CFAP299: variants seen among roughly 807,000 people sequenced by gnomAD.
CFAP299 encodes the protein cilia- and flagella-associated protein 299.
CFAP299 carries 21 observed loss-of-function variants against 27.0 expected under a neutral mutation model. That is an observed-to-expected ratio of 0.78 (90% CI 0.55 to 1.12). The LOEUF is 1.12. Ranked by LOEUF, CFAP299 falls within the 50% of genes most tolerant of loss-of-function variation. The pLI, the probability that CFAP299 is intolerant of heterozygous loss-of-function variation, is 0.00. For missense variants in CFAP299, 310 were observed against 276.6 expected, an observed-to-expected ratio of 1.12 and a Z score of -0.86; for synonymous variants, 104 against 98.1, an observed-to-expected ratio of 1.06 and a Z score of -0.36.
chr4:80,749,623 G>A (rs1724820444), intron 3 of CFAP299, among the ~76,000 whole-genome samples: 1 of 152,190 alleles, frequency 6.6e-6, no homozygotes, highest in African/African-American at 2.4e-5. Context: ...AGAGCCACTG[G>A]CAAACCACTA....
At chr4:80,336,187 A>T (rs545470669) in intron 1 of CFAP299, among the ~76,000 whole-genome samples, 2 of 152,250 alleles carry the variant, frequency 1.3e-5, no homozygotes, top group African/African-American at 4.8e-5. Context: ...GCCCACTCCC[A>T]TTCCAAAGCC....
intron 3 of CFAP299, among the ~76,000 whole-genome samples, chr4:80,651,661 G>T (rs529897022): frequency 1.3e-5 from 2 of 151,050 alleles, no homozygotes; most frequent in Non-Finnish European, 3.0e-5. Flanking sequence ...CACCGTGCCC[G>T]GGCGAATCTC....
intron 2 of CFAP299, among the ~76,000 whole-genome samples, chr4:80,401,794 T>G (rs748975298): frequency 1.1e-4 from 17 of 152,130 alleles, no homozygotes; most frequent in Admixed American, 2.0e-4. Context: ...GCTTGCATTG[T>G]GCACTTGAAA....
intron 3 of CFAP299, among the ~76,000 whole-genome samples, chr4:80,826,341 A>G (rs530818713): frequency 3.9e-5 from 6 of 151,926 alleles, no homozygotes; most frequent in East Asian, 1.9e-4. Flanking sequence ...GACAACAATT[A>G]TCAAAAGGAC....
rs1422554772 is a variant in CFAP299, at chr4:80,856,316, T to A, written c.334-13677T>A. Among the ~76,000 whole-genome samples the A allele has an allele frequency of 2.1e-5, 3 of 145,794 alleles. 1 individual carries two copies. Among genetic ancestry groups the A allele is most frequent in the Non-Finnish European group, 4.5e-5 (3 of 66,690 alleles). On this transcript the variant is annotated intron_variant, in intron 3 of 5. Transcript: ENST00000358105. ...TTCTGGATATTAGCCCTTTGTCAGA[T>A]GAGTAGGTTGCGAAAATTTTCTCCC...
At chr4:80,779,686 C>T (rs1726760015) in intron 3 of CFAP299, among the ~76,000 whole-genome samples, 1 of 151,900 alleles carries the variant, frequency 6.6e-6, no homozygotes, top group Admixed American at 6.6e-5. Flanking sequence ...CTGTCAGTCC[C>T]CATTGGCAGG....
chr4:80,438,184 T>C (rs888327536), intron 2 of CFAP299, among the ~76,000 whole-genome samples: 1 of 152,128 alleles, frequency 6.6e-6, no homozygotes, highest in Non-Finnish European at 1.5e-5. Context: ...GTGAGATTAG[T>C]GTGGGTTGCA....
intron 2 of CFAP299, among the ~76,000 whole-genome samples, chr4:80,461,027 C>A (rs1025873398): frequency 6.6e-6 from 1 of 152,070 alleles, no homozygotes; most frequent in Non-Finnish European, 1.5e-5. Context: ...GTGGGAAGGG[C>A]TACCAGGTCA....
intron 3 of CFAP299, among the ~76,000 whole-genome samples, chr4:80,816,829 G>A (rs73829140): frequency 0.071 from 10,765 of 152,048 alleles, 573 homozygotes; most frequent in African/African-American, 0.15. Flanking sequence ...TGCCACTAAC[G>A]ATAGCAGATG....
chr4:80,348,670 A>C (rs1008518392), intron 1 of CFAP299, among the ~76,000 whole-genome samples: 5 of 152,184 alleles, frequency 3.3e-5, no homozygotes, highest in African/African-American at 1.2e-4. Context: ...CAACCTGCCA[A>C]CACCTTGCTG....
chr4:80,708,189 C>T (rs1721931499), intron 3 of CFAP299, among the ~76,000 whole-genome samples: 1 of 151,864 alleles, frequency 6.6e-6, no homozygotes, highest in South Asian at 2.1e-4. Context: ...ATAGTTTGAC[C>T]AGTAGATGGA....
upstream of CFAP299, among the ~76,000 whole-genome samples, chr4:80,331,971 A>G (rs905165005): frequency 6.6e-6 from 1 of 152,218 alleles, no homozygotes; most frequent in Non-Finnish European, 1.5e-5. Context: ...AGCAAAGAGA[A>G]CTGAGAAGAA....
At chr4:80,932,012 A>G (rs887025857) in intron 4 of CFAP299, among the ~76,000 whole-genome samples, 10 of 152,166 alleles carry the variant, frequency 6.6e-5, no homozygotes, top group African/African-American at 2.2e-4. Context: ...TCCATAGGCT[A>G]GCAGGACTTT....
At chr4:80,415,175 A>G (rs1280226143) in intron 2 of CFAP299, among the ~76,000 whole-genome samples, 1 of 152,222 alleles carries the variant, frequency 6.6e-6, no homozygotes, top group Non-Finnish European at 1.5e-5. Flanking sequence ...TTAACTTGGT[A>G]ATGTTACAAC....
intron 2 of CFAP299, among the ~76,000 whole-genome samples, chr4:80,572,735 T>G (rs1344505951): frequency 6.6e-6 from 1 of 151,862 alleles, no homozygotes; most frequent in Non-Finnish European, 1.5e-5. Flanking sequence ...ACCAGGCTGG[T>G]CTCAAACTCC....
rs193073993 is a variant in CFAP299 at position 80,357,267 on chromosome 4, A to G, written c.112-5487A>G. On this transcript the variant is annotated intron_variant, in intron 1 of 5. Coordinates refer to ENST00000358105, the MANE Select transcript of CFAP299 (RefSeq NM_152770.3). The stretch of plus-strand genomic sequence containing the variant: ...TATTTTATTGAGGATTTTTGCATGA[A>G]TGTTCATCAGTGATATTTGCCTGAA... Among the ~76,000 whole-genome samples the G allele has an allele frequency of 2.2e-3, 338 of 152,298 alleles. 1 individual carries two copies. The highest frequency in any genetic ancestry group is 7.7e-3 in the African/African-American group (322 of 41,574).
At chr4:80,631,600 A>G (rs1039748566) in intron 3 of CFAP299, among the ~76,000 whole-genome samples, 2 of 152,156 alleles carry the variant, frequency 1.3e-5, no homozygotes, top group Non-Finnish European at 2.9e-5. Flanking sequence ...TTTGAAAAAG[A>G]GAAGGTACTT....
intron 3 of CFAP299, among the ~76,000 whole-genome samples, chr4:80,859,508 A>T (rs1732169463): frequency 6.6e-6 from 1 of 151,594 alleles, no homozygotes; most frequent in South Asian, 2.1e-4. Context: ...CCTAGTCTCG[A>T]TGGTCTTTAC....
At chr4:80,382,760 C>T (rs184784195) in intron 2 of CFAP299, among the ~76,000 whole-genome samples, 184 of 152,222 alleles carry the variant, frequency 1.2e-3, no homozygotes, top group African/African-American at 4.2e-3. Flanking sequence ...TGGAAAGCCT[C>T]GTGGCAATTC....
Sources: allele counts gnomAD v4.1 joint callset (sites outside exome capture counted in the v4.1 genomes callset), GRCh38; gene constraint gnomAD v4.1.1; transcripts MANE v1.5; gene names NCBI Gene and HGNC (gene_info 2026-07-23, HGNC 2026-07-21).